Variants in PAMR1 observed in about 807,000 individuals in gnomAD.
PAMR1 encodes the protein peptidase domain containing associated with muscle regeneration 1, also known as inactive serine protease PAMR1.
PAMR1 carries 88 observed loss-of-function variants against 81.8 expected under a neutral mutation model. The observed-to-expected ratio is 1.08, with a 90% CI of 0.91 to 1.28. PAMR1 has a LOEUF of 1.28. Ranked by LOEUF, PAMR1 falls within the 50% of genes most tolerant of loss-of-function variation. The pLI is 0.00. For missense variants in PAMR1, 935 were observed against 919.7 expected, an observed-to-expected ratio of 1.02 and a Z score of -0.21; for synonymous variants, 336 against 345.3, an observed-to-expected ratio of 0.97 and a Z score of 0.30.
At chr11:35,475,047 G>A (rs193135890) in intron 3 of PAMR1, among the ~76,000 whole-genome samples, 167 of 152,236 alleles carry the variant, frequency 1.1e-3, no homozygotes, top group African/African-American at 2.9e-3. Context: ...GCTAAGTGAC[G>A]GAGCAAAGAC....
intron 7 of PAMR1, among the ~76,000 whole-genome samples, chr11:35,440,945 C>T (rs1433941676): frequency 2.0e-5 from 3 of 152,198 alleles, no homozygotes; most frequent in African/African-American, 4.8e-5. Context: ...GAATGCTGAT[C>T]TCTCCTTTTG....
At chr11:35,455,526 C>G (rs536153161) in intron 6 of PAMR1, among the ~76,000 whole-genome samples, 1 of 152,140 alleles carries the variant, frequency 6.6e-6, no homozygotes, top group Admixed American at 6.5e-5. Flanking sequence ...GATACACCAG[C>G]CTTGCATGAA....
chr11:35,433,726 A>AGATGGATGGATG (rs71044517), intron 10 of PAMR1, among the ~76,000 whole-genome samples: 4,017 of 148,760 alleles, frequency 0.027, 75 homozygotes, highest in Non-Finnish European at 0.033. Flanking sequence ...ATAGATGGAG[A>AGATGGATGGATG]GATGGATGGA....
chr11:35,433,769 T>TGG (rs77851638), intron 10 of PAMR1, among the ~76,000 whole-genome samples: 2 of 138,106 alleles, frequency 1.4e-5, no homozygotes, highest in African/African-American at 5.2e-5. Context: ...GATGGATGGA[T>TGG]AGACGGATGG....
intron 10 of PAMR1, 46 bp downstream of exon 10, chr11:35,434,466 T>G (rs751824945): frequency 6.3e-7 from 1 of 1,581,018 alleles, no homozygotes; most frequent in African/African-American, 1.3e-5. Context: ...TGCTTGGAGT[T>G]TTTTTGAGCC....
intron 3 of PAMR1, among the ~76,000 whole-genome samples, chr11:35,478,787 T>C (rs1278960649): frequency 6.6e-6 from 1 of 152,172 alleles, no homozygotes; most frequent in Non-Finnish European, 1.5e-5. Context: ...GTGCTCAGAT[T>C]CCTTAACAAT....
intron 6 of PAMR1, among the ~76,000 whole-genome samples, chr11:35,445,168 T>C (rs932860292): frequency 2.6e-5 from 4 of 152,228 alleles, no homozygotes; most frequent in African/African-American, 9.6e-5. Context: ...TAGGAATGCT[T>C]ATGATTTTTG....
At chr11:35,523,317 T>C (rs1167261307) in intron 1 of PAMR1, among the ~76,000 whole-genome samples, 2 of 152,236 alleles carry the variant, frequency 1.3e-5, no homozygotes, top group African/African-American at 4.8e-5. Flanking sequence ...CACAAGTTAA[T>C]GTCTGTTGGA....
intron 1 of PAMR1, among the ~76,000 whole-genome samples, chr11:35,497,176 GTAA>G (rs1247164139): frequency 1.1e-4 from 16 of 151,868 alleles, no homozygotes; most frequent in Admixed American, 2.6e-4. Context: ...GAAAATAATA[GTAA>G]TAATAACAAA....
rs980011013 is a variant in PAMR1 at position 35,511,104 on chromosome 11, T to A, written c.73+14409A>T. The stretch of plus-strand genomic sequence containing the variant: ...GGCACAGGTTCAGCTTTCATATATT[T>A]AGTAAACAAATGAATGAATGAGTGA... On this transcript the variant is annotated intron_variant, in intron 1 of 10. Transcript: ENST00000619888. 4.7e-4 allele frequency among the ~76,000 whole-genome samples: 71 copies of A among 152,226 alleles called. 1 individual carries two copies. Among genetic ancestry groups the A allele is most frequent in the Admixed American group, 2.0e-3 (30 of 15,292 alleles).
chr11:35,508,940 G>A (rs1453614422), intron 1 of PAMR1, among the ~76,000 whole-genome samples: 2 of 152,060 alleles, frequency 1.3e-5, no homozygotes, highest in Non-Finnish European at 2.9e-5. Flanking sequence ...TCTTTATTGA[G>A]TCTACCATTG....
intron 3 of PAMR1, among the ~76,000 whole-genome samples, chr11:35,483,226 C>A (rs926224822): frequency 2.8e-4 from 43 of 152,256 alleles, no homozygotes; most frequent in African/African-American, 1.0e-3. Context: ...AATTCAAACC[C>A]CATAAACCTA....
chr11:35,499,824 C>A (rs1850796785), intron 1 of PAMR1, among the ~76,000 whole-genome samples: 1 of 152,174 alleles, frequency 6.6e-6, no homozygotes, highest in Non-Finnish European at 1.5e-5. Flanking sequence ...GGAATCCTGG[C>A]AGAAGGGATT....
At chr11:35,445,943 C>A (rs543103117) in intron 6 of PAMR1, among the ~76,000 whole-genome samples, 81 of 152,274 alleles carry the variant, frequency 5.3e-4, no homozygotes, top group Admixed American at 1.9e-3. Flanking sequence ...TAAAATTCAG[C>A]CATAAATCCA....
At chr11:35,509,108 T>C (rs1198623013) in intron 1 of PAMR1, among the ~76,000 whole-genome samples, 3 of 152,148 alleles carry the variant, frequency 2.0e-5, no homozygotes, top group Non-Finnish European at 4.4e-5. Flanking sequence ...TTCCAAGCAA[T>C]ATGGAGGTGA....
At chr11:35,480,191 A>AC (rs1239787787) in intron 3 of PAMR1, among the ~76,000 whole-genome samples, 1 of 152,216 alleles carries the variant, frequency 6.6e-6, no homozygotes, top group African/African-American at 2.4e-5. Flanking sequence ...ACCAATTCAA[A>AC]CTTATTTCTG....
chr11:35,479,024 A>C (rs192157601), intron 3 of PAMR1, among the ~76,000 whole-genome samples: 5 of 152,242 alleles, frequency 3.3e-5, no homozygotes, highest in African/African-American at 1.2e-4. Context: ...TAATTTCTAG[A>C]CCAGTAAGAC....
At chr11:35,513,901 T>C (rs561281423) in intron 1 of PAMR1, among the ~76,000 whole-genome samples, 6 of 152,368 alleles carry the variant, frequency 3.9e-5, no homozygotes, top group Non-Finnish European at 8.8e-5. Flanking sequence ...GCTTTTACTA[T>C]ATCCAGGAGA....
At chr11:35,474,493 T>G (rs1172923029) in intron 4 of PAMR1, 137 bp downstream of exon 4, 1 of 535,190 alleles carries the variant, frequency 1.9e-6, no homozygotes, top group African/African-American at 2.0e-5. Context: ...CCAGGCCTTA[T>G]CCCAGAGAAT....
Sources: allele counts gnomAD v4.1 joint callset (sites outside exome capture counted in the v4.1 genomes callset), GRCh38; gene constraint gnomAD v4.1.1; transcripts MANE v1.5; gene names NCBI Gene and HGNC (gene_info 2026-07-23, HGNC 2026-07-21).